MALRD1: variants seen among roughly 807,000 people sequenced by gnomAD.
The protein encoded by MALRD1 is MAM and LDL receptor class A domain containing 1.
MALRD1 carries 247 observed loss-of-function variants against 242.1 expected under a neutral mutation model. That is an observed-to-expected ratio of 1.02 (90% CI 0.92 to 1.13). The LOEUF is 1.13. Among genes scored for constraint, MALRD1 ranks in the 50% most tolerant of loss-of-function variants. MALRD1 has a pLI of 0.00. For synonymous variants in MALRD1, 995 were observed against 866.6 expected (o/e 1.15, Z -2.60); for missense variants, 2,989 against 2,533.1 (o/e 1.18, Z -3.86).
intron 36 of MALRD1, among the ~76,000 whole-genome samples, chr10:19,687,494 G>T (rs1842625774): frequency 6.6e-6 from 1 of 152,042 alleles, no homozygotes; most frequent in Non-Finnish European, 1.5e-5. Context: ...GTTTTCTCTG[G>T]TTGGTGTCAG....
intron 28 of MALRD1, among the ~76,000 whole-genome samples, chr10:19,429,121 C>T (rs1219896232): frequency 6.6e-6 from 1 of 152,180 alleles, no homozygotes; most frequent in Non-Finnish European, 1.5e-5. Flanking sequence ...TAAAAACACA[C>T]TTGACGACAA....
chr10:19,102,525 G>A (rs1478619079), intron 4 of MALRD1, among the ~76,000 whole-genome samples: 1 of 152,026 alleles, frequency 6.6e-6, no homozygotes, highest in Non-Finnish European at 1.5e-5. Flanking sequence ...ATAGAAAAAT[G>A]ATCTGTTGTG....
intron 26 of MALRD1, among the ~76,000 whole-genome samples, chr10:19,356,004 T>C (rs1245805866): frequency 6.6e-6 from 1 of 150,690 alleles, no homozygotes; most frequent in African/African-American, 2.4e-5. Context: ...AAGCAGAGTG[T>C]AATTCGGTGG....
At chr10:19,462,819 A>G (rs888850495) in intron 29 of MALRD1, among the ~76,000 whole-genome samples, 2 of 152,316 alleles carry the variant, frequency 1.3e-5, no homozygotes, top group East Asian at 3.9e-4. Context: ...GGGCTGCCTG[A>G]AATATTGTGA....
intron 2 of MALRD1, among the ~76,000 whole-genome samples, chr10:19,070,983 C>G (rs993305246): frequency 2.0e-5 from 3 of 151,244 alleles, no homozygotes; most frequent in Non-Finnish European, 4.4e-5. Flanking sequence ...TCCTGAGTAG[C>G]TGGGATTACA....
Position 19,498,536 on chromosome 10 carries a change from A to G in MALRD1, c.5210A>G (p.Asn1737Ser). 6.5e-7 allele frequency: 1 copy of G among 1,550,362 alleles called. No individual in the cohort carries two copies. The highest frequency in any genetic ancestry group is 2.0e-5 in the Admixed American group (1 of 50,970). Reference sequence around the variant, plus strand: ...TGCAATTTTGAAACAAGTTCAGGAAACTGGACCACAGCCTGCAGTCTTACT... The same window carrying G: ...TGCAATTTTGAAACAAGTTCAGGAAGCTGGACCACAGCCTGCAGTCTTACT... The part of the protein sequence containing the change: ...GSCNFETSSG[N>S]WTTACSLTQD... Residue 1737 changes from asparagine to serine, a missense_variant, in exon 31 of 40, where the codon AAC (asparagine) becomes AGC (serine). Transcript: ENST00000454679.
At chr10:19,595,988 C>A (rs73595854) in intron 34 of MALRD1, among the ~76,000 whole-genome samples, 7,161 of 152,194 alleles carry the variant, frequency 0.047, 483 homozygotes, top group African/African-American at 0.15. Context: ...GAATTTCATC[C>A]CTGTTACTTA....
chr10:19,381,696 G>A (rs559195359), intron 26 of MALRD1, among the ~76,000 whole-genome samples: 45 of 150,988 alleles, frequency 3.0e-4, no homozygotes, highest in Non-Finnish European at 5.0e-4. Context: ...AAAATTAGCC[G>A]GGCCTGGTTC....
At chr10:19,493,580 C>A (rs867105504) in intron 30 of MALRD1, among the ~76,000 whole-genome samples, 5 of 150,522 alleles carry the variant, frequency 3.3e-5, no homozygotes, top group Admixed American at 2.0e-4. Context: ...GAGGCCGATG[C>A]GGGTGGATCA....
chr10:19,065,308 A>AAAT (rs1834941777), intron 1 of MALRD1, among the ~76,000 whole-genome samples: 1 of 150,288 alleles, frequency 6.7e-6, no homozygotes, highest in African/African-American at 2.5e-5. Context: ...AAAAAAAAAA[A>AAAT]AGGAAGAAAG....
At chr10:19,710,043 T>A (rs1834036155) in intron 38 of MALRD1, among the ~76,000 whole-genome samples, 1 of 152,094 alleles carries the variant, frequency 6.6e-6, no homozygotes, top group Admixed American at 6.6e-5. Flanking sequence ...GAGACTATAG[T>A]GAGCCAATGA....
intron 12 of MALRD1, among the ~76,000 whole-genome samples, chr10:19,163,827 A>G (rs543596698): frequency 7.2e-5 from 11 of 152,368 alleles, no homozygotes; most frequent in Middle Eastern, 3.4e-3. Flanking sequence ...TAAGTTAAAT[A>G]TAAGTTCTGA....
At chr10:19,263,573 A>G (rs1839848474) in intron 19 of MALRD1, among the ~76,000 whole-genome samples, 1 of 151,968 alleles carries the variant, frequency 6.6e-6, no homozygotes, top group Admixed American at 6.6e-5. Context: ...TATTGGTTAT[A>G]TGGTTTGGAA....
intron 32 of MALRD1, among the ~76,000 whole-genome samples, chr10:19,561,663 CT>C (rs936608607): frequency 6.6e-6 from 1 of 151,608 alleles, no homozygotes; most frequent in African/African-American, 2.4e-5. Context: ...AGGTCTCAGT[CT>C]TTTAGCGAGA....
intron 1 of MALRD1, among the ~76,000 whole-genome samples, chr10:19,055,933 C>T (rs1021292586): frequency 6.6e-6 from 1 of 152,174 alleles, no homozygotes; most frequent in Non-Finnish European, 1.5e-5. Flanking sequence ...TCTACACAAA[C>T]CCTCATGACA....
chr10:19,314,864 T>A (rs1842576128), intron 21 of MALRD1, among the ~76,000 whole-genome samples: 1 of 151,292 alleles, frequency 6.6e-6, no homozygotes, highest in Admixed American at 6.7e-5. Flanking sequence ...GAAGTGCCGG[T>A]CTCTTGATCG....
At chr10:19,135,088 T>A (rs1258751754) in intron 9 of MALRD1, among the ~76,000 whole-genome samples, 1 of 152,210 alleles carries the variant, frequency 6.6e-6, no homozygotes, top group Non-Finnish European at 1.5e-5. Flanking sequence ...AACCAAATTA[T>A]TAGACATATT....
At chr10:19,165,157 A>G (rs1432504470) in intron 12 of MALRD1, among the ~76,000 whole-genome samples, 1 of 150,126 alleles carries the variant, frequency 6.7e-6, no homozygotes, top group Non-Finnish European at 1.5e-5. Context: ...ACTTCCATGG[A>G]AACAGTGGTA....
At chr10:19,396,619 T>C (rs1846591852) in intron 28 of MALRD1, among the ~76,000 whole-genome samples, 2 of 152,234 alleles carry the variant, frequency 1.3e-5, no homozygotes, top group South Asian at 4.1e-4. Flanking sequence ...ATATTCATAC[T>C]CTTAACCACT....
Sources: allele counts gnomAD v4.1 joint callset (sites outside exome capture counted in the v4.1 genomes callset), GRCh38; gene constraint gnomAD v4.1.1; transcripts MANE v1.5; gene names NCBI Gene and HGNC (gene_info 2026-07-23, HGNC 2026-07-21).